The following SCUBE1 variants were observed in gnomAD, a reference collection of about 807,000 sequenced individuals.
SCUBE1 encodes signal peptide, CUB and EGF-like domain-containing protein 1.
SCUBE1 carries 59 observed loss-of-function variants against 124.4 expected under a neutral mutation model. The ratio of observed to expected loss-of-function variants is 0.47; its 90% CI spans 0.38 to 0.59. SCUBE1 has a LOEUF of 0.59. Ranked by LOEUF, SCUBE1 falls within the 20% of genes least tolerant of loss-of-function variation. SCUBE1 has a pLI of 0.00. For synonymous variants in SCUBE1, 545 were observed against 550.9 expected (o/e 0.99, Z 0.15); for missense variants, 1,150 against 1,371.2 (o/e 0.84, Z 2.55).
intron 11 of SCUBE1, 84 bp from the exon 12 acceptor site, chr22:43,222,826 GGAGT>G: frequency 1.8e-6 from 2 of 1,129,934 alleles, no homozygotes; most frequent in South Asian, 1.4e-5. Flanking sequence ...GAGGGATTGT[GGAGT>G]GAGACGAAGA....
chr22:43,210,810 GGAGT>G lies in SCUBE1; in HGVS notation c.2383+108_2383+111del. 7.9e-7 allele frequency: 1 copy of G among 1,273,292 alleles called. No individual in the cohort carries two copies. The highest frequency in any genetic ancestry group is 1.1e-6 in the Non-Finnish European group (1 of 894,314). The allele number at this position is 1,273,292 out of a possible 1,614,324, so 78.9% of individuals were successfully genotyped here. A position where few individuals can be genotyped will look rare whatever the true frequency, so the allele number is the denominator to read the frequency against. On this transcript the variant is annotated intron_variant, in intron 18 of 21. Transcript: ENST00000360835. The surrounding 1 kb of genome is among the most constrained non-coding windows in gnomAD (Gnocchi z 4.5). ...CGAGAGCAGACGGGACGGAGCGGGA[GGAGT>G]CCAGTGTCCTCGTGGAGCTCGTGTG... is the stretch of plus-strand genomic sequence containing the variant.
chr22:43,230,843 C>T (rs1183881140), intron 8 of SCUBE1, among the ~76,000 whole-genome samples: 1 of 152,178 alleles, frequency 6.6e-6, no homozygotes, highest in Non-Finnish European at 1.5e-5. Context: ...GAACAGCCCT[C>T]GCTCCTCAGG....
At position 43,203,894 on chromosome 22, in the gene SCUBE1, T is replaced by C. The variant is rs1049334988; in HGVS notation, c.*103A>G. ...TCGGCTTCCCTGAAGGGCAGTGCCA[T>C]GGGGTTCCCAAGGTGGTGTGGAGGC... On this transcript the variant is annotated 3_prime_UTR_variant, in exon 22 of 22. Coordinates refer to ENST00000360835, the MANE Select transcript of SCUBE1 (RefSeq NM_173050.5). 1.3e-5 allele frequency: 17 copies of C among 1,281,800 alleles called. No homozygotes were observed. The highest frequency in any genetic ancestry group is 9.3e-5 in the East Asian group (4 of 42,802). The allele number at this position is 1,281,800 out of a possible 1,614,324, so 79.4% of individuals were successfully genotyped here. A position where few individuals can be genotyped will look rare whatever the true frequency, so the allele number is the denominator to read the frequency against.
intron 15 of SCUBE1, among the ~76,000 whole-genome samples, chr22:43,216,966 C>T (rs1455161059): frequency 2.9e-5 from 4 of 138,018 alleles, no homozygotes; most frequent in South Asian, 5.3e-4. Context: ...ACTGCCGTCA[C>T]CTCTTCTCTA....
At chr22:43,228,180 C>T (rs1006015327) in intron 9 of SCUBE1, among the ~76,000 whole-genome samples, 1 of 152,144 alleles carries the variant, frequency 6.6e-6, no homozygotes, top group Admixed American at 6.5e-5. Flanking sequence ...GTGGCTACCC[C>T]CAGGTCACAG....
At chr22:43,238,441 C>CA (rs1922857566) in intron 7 of SCUBE1, 2 of 509,644 alleles carry the variant, frequency 3.9e-6, no homozygotes, top group South Asian at 5.2e-5. Flanking sequence ...CCACTGCAAC[C>CA]AAAGGTCAAG....
At chr22:43,334,626 A>T (rs974756035) in intron 2 of SCUBE1, among the ~76,000 whole-genome samples, 1 of 144,654 alleles carries the variant, frequency 6.9e-6, no homozygotes, top group Non-Finnish European at 1.6e-5. Context: ...CATCACCACC[A>T]TCAACATTAT....
chr22:43,255,307 G>A lies in SCUBE1; in HGVS notation c.727+2912C>T, dbSNP rs59071739. ...GGAGCCCCCCGCACTCACACGACAC[G>A]CAGGACTGCACACACGTGGGCACAC... On this transcript the variant is annotated intron_variant, in intron 6 of 21. Coordinates refer to ENST00000360835, the MANE Select transcript of SCUBE1 (RefSeq NM_173050.5). This position sits in a 1 kb window ranked among gnomAD's most constrained non-coding sequence, Gnocchi z 4.7. Among the ~76,000 whole-genome samples the A allele has an allele frequency of 0.013, 2,051 of 152,160 alleles. 46 individuals carry two copies. Among genetic ancestry groups the A allele is most frequent in the African/African-American group, 0.047 (1,931 of 41,512 alleles).
Position 43,198,909 on chromosome 22 carries a change from G to C in SCUBE1, c.*5088C>G. ...TGCTGTCTGCTTTCCGGGGCAGTTT[G>C]TCTGTCTGCTGTCTGGGGCAGTTTG... On this transcript the variant is annotated 3_prime_UTR_variant, in exon 22 of 22. Coordinates refer to ENST00000360835, the MANE Select transcript of SCUBE1 (RefSeq NM_173050.5). The C allele has an allele frequency of 2.7e-6, 1 of 375,356 alleles. No individual in the cohort carries two copies. Among genetic ancestry groups the C allele is most frequent in the Non-Finnish European group, 5.3e-6 (1 of 190,220 alleles). 23.3% of individuals were successfully genotyped at this position (375,356 alleles called of 1,614,324 possible). A position where few individuals can be genotyped will look rare whatever the true frequency, so the allele number is the denominator to read the frequency against.
chr22:43,313,204 T>C (rs899082749), intron 3 of SCUBE1, among the ~76,000 whole-genome samples: 3 of 152,162 alleles, frequency 2.0e-5, no homozygotes, highest in Non-Finnish European at 4.4e-5. Flanking sequence ...AGGCTGGGCA[T>C]AGGGTTGGTG....
At chr22:43,282,896 A>ATGTT (rs1208474440) in intron 4 of SCUBE1, 3 of 152,064 alleles carry the variant, frequency 2.0e-5, no homozygotes, top group Non-Finnish European at 4.4e-5. Context: ...GGGTTTCTCC[A>ATGTT]TGTTGGCCAG....
At chr22:43,204,312 A>AT (rs1414272331) in intron 21 of SCUBE1, among the ~76,000 whole-genome samples, 163 bp from the exon 22 acceptor site, 3 of 151,384 alleles carry the variant, frequency 2.0e-5, no homozygotes, top group South Asian at 2.1e-4. Context: ...TTATTTGTTT[A>AT]TTTTTTTTGA....
chr22:43,309,869 A>C (rs1926108766), intron 3 of SCUBE1, among the ~76,000 whole-genome samples: 1 of 152,106 alleles, frequency 6.6e-6, no homozygotes. Flanking sequence ...TTCAAAATAC[A>C]CTGTGAGTTC....
intron 3 of SCUBE1, among the ~76,000 whole-genome samples, chr22:43,308,019 G>A (rs1412726403): frequency 1.3e-5 from 2 of 152,084 alleles, no homozygotes; most frequent in Non-Finnish European, 2.9e-5. Context: ...TCCCAAGCAG[G>A]CCATGGGCAT....
rs757430287 is a variant in SCUBE1, at chr22:43,221,234, C to G, written c.1488G>C (p.Lys496Asn). The G allele has an allele frequency of 6.2e-7, 1 of 1,611,762 alleles. No individual in the cohort carries two copies. The highest frequency in any genetic ancestry group is 2.2e-5 in the East Asian group (1 of 44,834). ...QKARFKIRDA[K>N]CHLRPHSQAR... is the part of the protein sequence containing the mutation. ...CCTGGCTGTGGGGCCGGAGGTGGCACTTGGCATCTCGGATCTTGAAGCGGG... is the reference window on the plus strand; with the variant it reads ...CCTGGCTGTGGGGCCGGAGGTGGCAGTTGGCATCTCGGATCTTGAAGCGGG... The change falls in exon 13 of 22, where the codon AAG (lysine) becomes AAC (asparagine). Residue 496 changes from lysine to asparagine, a missense_variant. Transcript: ENST00000360835.
intron 2 of SCUBE1, among the ~76,000 whole-genome samples, chr22:43,330,340 C>T (rs1926865831): frequency 6.6e-6 from 1 of 152,216 alleles, no homozygotes; most frequent in Admixed American, 6.5e-5. Flanking sequence ...CCTGCTTCTG[C>T]TATGCTTTTC....
In SCUBE1 at chr22:43,198,162, T is replaced by C; in HGVS notation, c.*5835A>G. On this transcript the variant is annotated 3_prime_UTR_variant, in exon 22 of 22. Transcript: ENST00000360835. ...CTGGGGGGATGGAATGTGTGGATAT[T>C]AGAGGGTTGAGCCCAGAGCCTGGCA... 1 of 232,806 alleles carries C rather than the reference T, an allele frequency of 4.3e-6. No homozygotes were observed. Among genetic ancestry groups the C allele is most frequent in the South Asian group, 5.8e-5 (1 of 17,282 alleles). The allele number at this position is 232,806 out of a possible 1,614,324, so 14.4% of individuals were successfully genotyped here.
At chr22:43,286,329 G>A (rs573966499) in intron 4 of SCUBE1, among the ~76,000 whole-genome samples, 5 of 152,382 alleles carry the variant, frequency 3.3e-5, no homozygotes, top group African/African-American at 9.6e-5. Flanking sequence ...CTGAAGCCCC[G>A]CTGTGAGCCT....
chr22:43,231,944 G>A (rs1922571152), intron 7 of SCUBE1, 69 bp from the exon 8 acceptor site: 8 of 1,583,922 alleles, frequency 5.1e-6, no homozygotes, highest in East Asian at 2.3e-5. Flanking sequence ...GCGGGGGGAC[G>A]GCAGGCTAGC....
Sources: gnomAD v4.1 joint callset for allele counts (sites outside exome capture counted in the v4.1 genomes callset) on GRCh38, gnomAD v4.1.1 for gene constraint, Gnocchi (gnomAD v3.1) non-coding constraint, MANE v1.5 for transcripts, NCBI Gene and HGNC (gene_info 2026-07-23, HGNC 2026-07-21) for gene names.